CFAP77: variants seen among roughly 807,000 people sequenced by gnomAD.
CFAP77 encodes the protein cilia- and flagella-associated protein 77.
Under a neutral mutation model 31.1 loss-of-function variants are expected in CFAP77, and 25 were observed. That is an observed-to-expected ratio of 0.80 (90% CI 0.59 to 1.12). The LOEUF (loss-of-function observed/expected upper bound fraction) is 1.12, where lower values mean the gene tolerates loss of function less well. CFAP77 is among the 50% of genes most tolerant of loss of function. The pLI is 0.00. For missense variants in CFAP77, 377 were observed against 397.3 expected (o/e 0.95, Z 0.44); for synonymous variants, 151 against 159.9 (o/e 0.94, Z 0.42).
chr9:132,513,470 C>T (rs980649510), intron 3 of CFAP77: 7 of 1,283,944 alleles, frequency 5.5e-6, no homozygotes, highest in South Asian at 3.7e-5. Context: ...AGGACCCTCC[C>T]GAGGTTGGAG....
chr9:132,552,477 C>G lies in CFAP77; in HGVS notation c.732+9430C>G, dbSNP rs572769736. Among the ~76,000 whole-genome samples the G allele has an allele frequency of 2.3e-4, 35 of 152,310 alleles. No individual in the cohort carries two copies. The highest frequency in any genetic ancestry group is 8.4e-4 in the African/African-American group (35 of 41,564). On this transcript the variant is annotated intron_variant, in intron 5 of 5. Transcript: ENST00000393216. The surrounding 1 kb of genome is among the most constrained non-coding windows in gnomAD (Gnocchi z 5.5). Reference sequence around the variant, plus strand: ...TTGGGAGGCCAAGGCGGGAGGATCACTTCAGCTCAGGAGTTTGAGACCAGC... The same window carrying G: ...TTGGGAGGCCAAGGCGGGAGGATCAGTTCAGCTCAGGAGTTTGAGACCAGC...
chr9:132,572,245 C>T (rs544521964), intron 5 of CFAP77, 143 bp from the exon 6 acceptor site: 3 of 1,078,938 alleles, frequency 2.8e-6, no homozygotes, highest in South Asian at 1.6e-5. Context: ...AGGAGGCTCA[C>T]AGCACTTGCT....
intron 1 of CFAP77, among the ~76,000 whole-genome samples, chr9:132,462,641 C>A (rs147176120): frequency 6.6e-6 from 1 of 151,948 alleles, no homozygotes; most frequent in Non-Finnish European, 1.5e-5. Flanking sequence ...TGGTAAAACC[C>A]CGTCTCTACC....
intron 1 of CFAP77, among the ~76,000 whole-genome samples, chr9:132,445,184 G>A (rs564626708): frequency 6.6e-6 from 1 of 152,110 alleles, no homozygotes; most frequent in South Asian, 2.1e-4. Flanking sequence ...ATGTTGGCCA[G>A]GCTGGTCTCA....
At chr9:132,543,644 C>T (rs1852684124) in intron 5 of CFAP77, among the ~76,000 whole-genome samples, 2 of 152,188 alleles carry the variant, frequency 1.3e-5, no homozygotes, top group South Asian at 4.1e-4. Flanking sequence ...GCATGCCAAC[C>T]AGCATGAACT....
At chr9:132,475,979 C>T (rs770046989) in intron 1 of CFAP77, among the ~76,000 whole-genome samples, 3 of 152,244 alleles carry the variant, frequency 2.0e-5, no homozygotes, top group East Asian at 3.8e-4. Flanking sequence ...GATCATTTGC[C>T]GCTGCCTGCA....
chr9:132,525,022 AT>A (rs77344020), intron 3 of CFAP77, among the ~76,000 whole-genome samples: 47,805 of 133,778 alleles, frequency 0.36, 9,763 homozygotes, highest in East Asian at 0.71. Flanking sequence ...TGTGATAGTA[AT>A]TTTTTTTTTT....
intron 3 of CFAP77, among the ~76,000 whole-genome samples, chr9:132,519,642 AGATGGATGGATG>A (rs1170866405): frequency 0.086 from 3,568 of 41,442 alleles, 148 homozygotes; most frequent in Middle Eastern, 0.11. Context: ...GTGGATGGGC[AGATGGATGGATG>A]GATGGATGGA....
Position 132,514,516 on chromosome 9 carries a change from C to G in CFAP77, c.524+14916C>G, listed in dbSNP as rs559291349. ...GCCCCCGGAGCCAGGATCCCCCTGC[C>G]CAGTCGGTTTCTGAGTGGCCTGGCG... On this transcript the variant is annotated intron_variant, in intron 3 of 5. Coordinates refer to ENST00000393216, the MANE Select transcript of CFAP77 (RefSeq NM_001282957.2). Among the ~76,000 whole-genome samples the G allele has an allele frequency of 2.4e-3, 372 of 152,296 alleles. 3 individuals carry two copies. Among genetic ancestry groups the G allele is most frequent in the Non-Finnish European group, 3.5e-3 (237 of 68,034 alleles).
At chr9:132,485,918 C>T (rs1418245995) in intron 1 of CFAP77, among the ~76,000 whole-genome samples, 5 of 142,422 alleles carry the variant, frequency 3.5e-5, no homozygotes, top group Admixed American at 2.1e-4. Context: ...AAACAGGTGA[C>T]GAGCATACAA....
intron 4 of CFAP77, among the ~76,000 whole-genome samples, chr9:132,541,886 A>G (rs1236428176): frequency 1.3e-5 from 2 of 152,206 alleles, no homozygotes; most frequent in African/African-American, 2.4e-5. Context: ...GCTTCACACC[A>G]TGGGAGGTGA....
intron 3 of CFAP77, among the ~76,000 whole-genome samples, chr9:132,509,676 C>T (rs770584785): frequency 2.0e-5 from 3 of 152,012 alleles, no homozygotes; most frequent in Non-Finnish European, 2.9e-5. Flanking sequence ...GGCTGAGGCA[C>T]GAGAATCACT....
At chr9:132,467,127 G>T (rs1589867668) in intron 1 of CFAP77, among the ~76,000 whole-genome samples, 1 of 152,246 alleles carries the variant, frequency 6.6e-6, no homozygotes, top group African/African-American at 2.4e-5. Flanking sequence ...GAAGTGAGCC[G>T]AGATCGCACT....
intron 1 of CFAP77, among the ~76,000 whole-genome samples, chr9:132,436,509 G>T (rs1385155902): frequency 5.9e-5 from 9 of 152,100 alleles, no homozygotes; most frequent in African/African-American, 2.2e-4. Flanking sequence ...ATTTGAATTG[G>T]TCACTTGATC....
chr9:132,532,388 G>C (rs1852468325), intron 3 of CFAP77, among the ~76,000 whole-genome samples: 1 of 152,260 alleles, frequency 6.6e-6, no homozygotes, highest in Non-Finnish European at 1.5e-5. Context: ...CAGCCTGATA[G>C]GGCGATAGGG....
intron 3 of CFAP77, among the ~76,000 whole-genome samples, chr9:132,529,824 CAA>C (rs572231164): frequency 7.8e-5 from 9 of 116,032 alleles, no homozygotes; most frequent in Non-Finnish European, 9.2e-5. Context: ...GACTCTGTCT[CAA>C]AAAAAAAAAA....
At chr9:132,483,478 C>T (rs573211635) in intron 1 of CFAP77, among the ~76,000 whole-genome samples, 1 of 152,264 alleles carries the variant, frequency 6.6e-6, no homozygotes, top group African/African-American at 2.4e-5. Context: ...TCTCCCGTGT[C>T]CTCGGTGCAG....
chr9:132,483,504 A>G (rs73659052), intron 1 of CFAP77, among the ~76,000 whole-genome samples: 7,220 of 152,138 alleles, frequency 0.047, 564 homozygotes, highest in African/African-American at 0.16. Flanking sequence ...GCTGACGCGA[A>G]CTGACACCTG....
intron 1 of CFAP77, among the ~76,000 whole-genome samples, chr9:132,473,306 A>G (rs1851291292): frequency 6.6e-6 from 1 of 152,172 alleles, no homozygotes; most frequent in Admixed American, 6.5e-5. Context: ...CAACCCGCAA[A>G]GTGGGCACTG....
Sources: gnomAD v4.1 joint callset for allele counts (sites outside exome capture counted in the v4.1 genomes callset) on GRCh38, gnomAD v4.1.1 for gene constraint, Gnocchi (gnomAD v3.1) non-coding constraint, MANE v1.5 for transcripts, NCBI Gene and HGNC (gene_info 2026-07-23, HGNC 2026-07-21) for gene names.